The following HPSE2 variants were observed in gnomAD, a reference collection of about 807,000 sequenced individuals.
HPSE2 encodes inactive heparanase-2.
A neutral mutation model predicts 60.5 loss-of-function variants in HPSE2; 38 were observed. The ratio of observed to expected loss-of-function variants is 0.63; its 90% CI spans 0.48 to 0.82. The LOEUF (loss-of-function observed/expected upper bound fraction) is 0.82, where lower values mean the gene tolerates loss of function less well. Ranked by LOEUF, HPSE2 falls within the 40% of genes least tolerant of loss-of-function variation. The pLI is 0.00. For synonymous variants in HPSE2, 295 were observed against 293.2 expected (o/e 1.01, Z -0.06); for missense variants, 713 against 740.4 (o/e 0.96, Z 0.43).
In HPSE2 at chr10:98,647,439, A is replaced by G. The variant is rs956626651; in HGVS notation, c.1005-5499T>C. Among the ~76,000 whole-genome samples the G allele has an allele frequency of 2.6e-5, 4 of 152,146 alleles. 1 individual carries two copies. Among genetic ancestry groups the G allele is most frequent in the African/African-American group, 9.7e-5 (4 of 41,448 alleles). On this transcript the variant is annotated intron_variant, in intron 6 of 11. Transcript: ENST00000370552. ...TAGTGCGGGCTTCCCAGTGCTCAGG[A>G]ATTTCCGGACTTATTTTGCTCCCTG... is the stretch of plus-strand genomic sequence containing the variant.
intron 9 of HPSE2, among the ~76,000 whole-genome samples, chr10:98,514,218 G>A (rs184101205): frequency 1.3e-5 from 2 of 152,176 alleles, no homozygotes; most frequent in East Asian, 3.9e-4. Context: ...GAATGATCTA[G>A]AATAGGTAAA....
At chr10:98,985,501 T>C (rs542428912) in intron 3 of HPSE2, among the ~76,000 whole-genome samples, 92 of 152,110 alleles carry the variant, frequency 6.0e-4, no homozygotes, top group African/African-American at 2.1e-3. Flanking sequence ...GCACTAAACA[T>C]GGAAAGGAAC....
rs1197013075 is a variant in HPSE2 at position 99,232,244 on chromosome 10, CACACACACACACGA to C, written c.448+90_448+103del. The stretch of plus-strand genomic sequence containing the variant: ...ACACACACACACACACACACACACA[CACACACACACACGA>C]ACACACAGACACACGAACACACAGA... On this transcript the variant is annotated intron_variant, in intron 2 of 11. Transcript: ENST00000370552. The C allele has an allele frequency of 9.6e-6, 13 of 1,350,188 alleles. No individual in the cohort carries two copies. In the African/African-American group the frequency reaches 1.0e-4, roughly 11 times the overall value. 83.6% of individuals were successfully genotyped at this position (1,350,188 alleles called of 1,614,324 possible).
At chr10:99,146,731 C>A (rs1257628812) in intron 2 of HPSE2, among the ~76,000 whole-genome samples, 1 of 152,102 alleles carries the variant, frequency 6.6e-6, no homozygotes, top group African/African-American at 2.4e-5. Context: ...CGTGGTGGCA[C>A]ACGCCTGTAG....
At chr10:98,632,370 C>T (rs1232544711) in intron 7 of HPSE2, among the ~76,000 whole-genome samples, 3 of 152,174 alleles carry the variant, frequency 2.0e-5, no homozygotes, top group Non-Finnish European at 2.9e-5. Flanking sequence ...TGTTTACCCT[C>T]TCCCTTCCCA....
At chr10:98,969,064 GGTAA>G (rs1383426123) in intron 3 of HPSE2, among the ~76,000 whole-genome samples, 1 of 151,970 alleles carries the variant, frequency 6.6e-6, no homozygotes, top group Non-Finnish European at 1.5e-5. Flanking sequence ...GAAATTCTTA[GGTAA>G]GTATTTTTAA....
intron 3 of HPSE2, among the ~76,000 whole-genome samples, chr10:98,943,958 C>T (rs1036591845): frequency 1.1e-4 from 17 of 152,108 alleles, no homozygotes; most frequent in African/African-American, 3.6e-4. Context: ...TAGTTTAAGC[C>T]ACTCAGTTTT....
At chr10:98,481,651 T>C (rs997874303) in intron 11 of HPSE2, among the ~76,000 whole-genome samples, 1 of 152,190 alleles carries the variant, frequency 6.6e-6, no homozygotes, top group Non-Finnish European at 1.5e-5. Context: ...CCAGATTGTT[T>C]TTTGCTCCCA....
intron 3 of HPSE2, among the ~76,000 whole-genome samples, chr10:99,132,165 G>GA (rs765095989): frequency 0.62 from 36,081 of 58,128 alleles, 9,096 homozygotes; most frequent in South Asian, 0.7. Context: ...AAGAAAGAAA[G>GA]AAAGAAAGAA....
chr10:99,300,977 G>A, the HPSE2 span, among the ~76,000 whole-genome samples: 1 of 152,190 alleles, frequency 6.6e-6, no homozygotes, highest in Non-Finnish European at 1.5e-5. Flanking sequence ...CAAATGGGGA[G>A]TATAGATTTG....
the HPSE2 span, among the ~76,000 whole-genome samples, chr10:99,285,307 C>G: frequency 6.6e-6 from 1 of 151,138 alleles, no homozygotes; most frequent in Admixed American, 6.6e-5. Context: ...GTGGTACATG[C>G]CTGTAGTCCC....
Position 98,984,733 on chromosome 10 carries a change from A to G in HPSE2, c.610+159505T>C, listed in dbSNP as rs941839452. ...AGTTCGAACCCATGGCAAAGAAGTT[A>G]GAACCTTGAAAAAAGATTAGAGGAA... On this transcript the variant is annotated intron_variant, in intron 3 of 11. Coordinates refer to ENST00000370552, the MANE Select transcript of HPSE2 (RefSeq NM_021828.5). Among the ~76,000 whole-genome samples the G allele has an allele frequency of 2.0e-5, 3 of 152,332 alleles. No individual in the cohort carries two copies. The East Asian group carries it at 5.8e-4, about 29-fold the overall frequency.
intron 3 of HPSE2, among the ~76,000 whole-genome samples, chr10:99,026,557 A>G (rs75677502): frequency 1.3e-5 from 2 of 152,176 alleles, no homozygotes; most frequent in African/African-American, 4.8e-5. Context: ...TCAGCATTGG[A>G]CAGATATTCC....
At chr10:99,077,387 G>A (rs1443567014) in intron 3 of HPSE2, among the ~76,000 whole-genome samples, 1 of 151,928 alleles carries the variant, frequency 6.6e-6, no homozygotes, top group African/African-American at 2.4e-5. Flanking sequence ...AGTCTCTTAA[G>A]CTTTCTTCAT....
At chr10:98,532,279 G>A (rs1437368061) in intron 9 of HPSE2, among the ~76,000 whole-genome samples, 1 of 152,176 alleles carries the variant, frequency 6.6e-6, no homozygotes, top group Non-Finnish European at 1.5e-5. Flanking sequence ...CAGAAATAGA[G>A]AAGGTACATC....
At chr10:99,272,269 C>CA in the HPSE2 span, among the ~76,000 whole-genome samples, 116,240 of 137,768 alleles carry the variant, frequency 0.84, 48,748 homozygotes, top group South Asian at 0.89. Context: ...GACTCCATCT[C>CA]AAAAAAAAAA....
chr10:98,919,724 T>C lies in HPSE2; in HGVS notation c.611-175668A>G, dbSNP rs140274881. On this transcript the variant is annotated intron_variant, in intron 3 of 11. Transcript: ENST00000370552. The stretch of plus-strand genomic sequence containing the variant: ...TGAAGCATTTAGAAAAAATATTAGA[T>C]ACCAAGTGGCAAAGTTTTAACAAAT... 3.9e-5 allele frequency among the ~76,000 whole-genome samples: 6 copies of C among 152,208 alleles called. No individual in the cohort carries two copies. In the South Asian group the frequency reaches 1.0e-3, roughly 26 times the overall value.
intron 2 of HPSE2, among the ~76,000 whole-genome samples, chr10:99,191,253 C>G (rs999139876): frequency 6.6e-6 from 1 of 152,058 alleles, no homozygotes; most frequent in African/African-American, 2.4e-5. Context: ...CCACTGCTGA[C>G]TGTAGACCCC....
At chr10:99,132,111 T>A (rs952272331) in intron 3 of HPSE2, among the ~76,000 whole-genome samples, 1 of 140,438 alleles carries the variant, frequency 7.1e-6, no homozygotes, top group Admixed American at 7.3e-5. Flanking sequence ...AAATTCCGTC[T>A]TAAAAAAGAA....
Sources: allele counts gnomAD v4.1 joint callset (sites outside exome capture counted in the v4.1 genomes callset), GRCh38; gene constraint gnomAD v4.1.1; transcripts MANE v1.5; gene names NCBI Gene and HGNC (gene_info 2026-07-23, HGNC 2026-07-21).